The following PTPRT variants were observed in gnomAD, a reference collection of about 807,000 sequenced individuals.
The protein encoded by PTPRT is receptor-type tyrosine-protein phosphatase T.
Under a neutral mutation model 176.8 loss-of-function variants are expected in PTPRT, and 56 were observed. The ratio of observed to expected loss-of-function variants is 0.32; its 90% CI spans 0.26 to 0.40. The LOEUF is 0.40. Among genes scored for constraint, PTPRT ranks in the 10% least tolerant of loss-of-function variants. PTPRT has a pLI of 1.00. For missense variants in PTPRT, 1,540 were observed against 1,908.2 expected (o/e 0.81, Z 3.60); for synonymous variants, 783 against 739.0 (o/e 1.06, Z -0.96).
At chr20:43,054,435 T>A (rs910363970) in intron 1 of PTPRT, among the ~76,000 whole-genome samples, 1 of 151,998 alleles carries the variant, frequency 6.6e-6, no homozygotes, top group African/African-American at 2.4e-5. Context: ...CTGCATATAG[T>A]CCCAGGTACT....
chr20:42,767,007 G>A lies in PTPRT; in HGVS notation c.684+4428C>T, dbSNP rs571836955. On this transcript the variant is annotated intron_variant, in intron 5 of 30. Transcript: ENST00000373187. Reference sequence around the variant, plus strand: ...TTATTATATGAGGCAGAACAACAGCGAGAGTGCCAGCCACTCCTCTACTGC... The same window carrying A: ...TTATTATATGAGGCAGAACAACAGCAAGAGTGCCAGCCACTCCTCTACTGC... 2.6e-5 allele frequency among the ~76,000 whole-genome samples: 4 copies of A among 152,292 alleles called. No individual in the cohort carries two copies. The South Asian group carries it at 6.2e-4, about 24-fold the overall frequency.
At chr20:42,257,983 G>A (rs902561808) in intron 13 of PTPRT, among the ~76,000 whole-genome samples, 3 of 152,040 alleles carry the variant, frequency 2.0e-5, no homozygotes, top group Non-Finnish European at 4.4e-5. Flanking sequence ...TGGCAGTCTA[G>A]CACAGAGATT....
At chr20:42,808,461 A>C (rs2077645833) in intron 2 of PTPRT, among the ~76,000 whole-genome samples, 1 of 152,128 alleles carries the variant, frequency 6.6e-6, no homozygotes, top group African/African-American at 2.4e-5. Context: ...GTCCAGGACT[A>C]TGACAGCACA....
At chr20:42,174,627 T>C (rs1990212379) in intron 16 of PTPRT, among the ~76,000 whole-genome samples, 1 of 152,150 alleles carries the variant, frequency 6.6e-6, no homozygotes, top group African/African-American at 2.4e-5. Flanking sequence ...CCTTGAAAAT[T>C]CTAGAGTGTT....
At chr20:42,243,500 G>A (rs1403981221) in intron 14 of PTPRT, among the ~76,000 whole-genome samples, 1 of 152,192 alleles carries the variant, frequency 6.6e-6, no homozygotes, top group East Asian at 1.9e-4. Flanking sequence ...GTCCTACTAG[G>A]AAGAACAAGA....
chr20:42,050,851 C>A, the PTPRT span, among the ~76,000 whole-genome samples: 1 of 152,080 alleles, frequency 6.6e-6, no homozygotes, highest in Non-Finnish European at 1.5e-5. Flanking sequence ...TGAGAGGGAC[C>A]CACTGGCTAT....
At chr20:43,141,299 G>A (rs2013995067) in intron 1 of PTPRT, among the ~76,000 whole-genome samples, 2 of 152,190 alleles carry the variant, frequency 1.3e-5, no homozygotes, top group Admixed American at 1.3e-4. Flanking sequence ...CAGTCGGGCA[G>A]CTCTTCTGCT....
chr20:42,461,156 T>C (rs1265856709), intron 8 of PTPRT, among the ~76,000 whole-genome samples: 3 of 152,278 alleles, frequency 2.0e-5, no homozygotes, highest in East Asian at 3.9e-4. Context: ...GGAGAAACCC[T>C]GTCCCTACTA....
intron 9 of PTPRT, among the ~76,000 whole-genome samples, chr20:42,446,705 C>T (rs921410629): frequency 6.6e-6 from 1 of 151,160 alleles, no homozygotes; most frequent in African/African-American, 2.4e-5. Context: ...GTTAAATTTT[C>T]GAACCTCTCT....
chr20:42,454,007 C>G (rs1367332998), intron 8 of PTPRT, among the ~76,000 whole-genome samples: 1 of 151,934 alleles, frequency 6.6e-6, no homozygotes, highest in African/African-American at 2.4e-5. Flanking sequence ...CCTGAATTTA[C>G]TCTTAATCAT....
At chr20:42,832,138 G>C (rs2078100160) in intron 2 of PTPRT, among the ~76,000 whole-genome samples, 1 of 152,102 alleles carries the variant, frequency 6.6e-6, no homozygotes. Flanking sequence ...AAGTGCCCTA[G>C]ATTGGATGAA....
At chr20:42,224,626 C>T (rs1236378980) in intron 15 of PTPRT, among the ~76,000 whole-genome samples, 2 of 152,170 alleles carry the variant, frequency 1.3e-5, no homozygotes, top group African/African-American at 4.8e-5. Context: ...ATGGGTGGTT[C>T]TCAACTACGG....
chr20:42,051,240 G>GTC, the PTPRT span, among the ~76,000 whole-genome samples: 1 of 152,178 alleles, frequency 6.6e-6, no homozygotes, highest in Admixed American at 6.5e-5. Flanking sequence ...GTGTCAGTGT[G>GTC]TCAGTGGATT....
chr20:42,949,957 C>G (rs117950601), intron 1 of PTPRT, among the ~76,000 whole-genome samples: 2 of 152,282 alleles, frequency 1.3e-5, no homozygotes, highest in African/African-American at 4.8e-5. Flanking sequence ...ATGTATCCAA[C>G]GAACAAATGA....
At chr20:43,120,660 C>T (rs1002403510) in intron 1 of PTPRT, among the ~76,000 whole-genome samples, 12 of 152,128 alleles carry the variant, frequency 7.9e-5, no homozygotes, top group Admixed American at 2.6e-4. Context: ...TGTTGCTGCA[C>T]GTGTGTGTGT....
chr20:42,844,993 GTGCTT>G (rs1395419082), intron 2 of PTPRT, among the ~76,000 whole-genome samples: 1 of 152,180 alleles, frequency 6.6e-6, no homozygotes, highest in African/African-American at 2.4e-5. Context: ...GGAGTGGCTA[GTGCTT>G]TGCTTGACGG....
chr20:42,163,465 C>T (rs187228442), intron 16 of PTPRT, among the ~76,000 whole-genome samples: 1 of 152,334 alleles, frequency 6.6e-6, no homozygotes, highest in East Asian at 1.9e-4. Context: ...TGTTCACTGG[C>T]ATTGCTTAAA....
At chr20:43,065,948 G>C (rs2011108436) in intron 1 of PTPRT, among the ~76,000 whole-genome samples, 1 of 152,024 alleles carries the variant, frequency 6.6e-6, no homozygotes, top group African/African-American at 2.4e-5. Flanking sequence ...ACCAGGACTG[G>C]AACTCCTGTC....
chr20:42,440,516 T>C (rs1306206266), intron 9 of PTPRT, among the ~76,000 whole-genome samples: 3 of 151,718 alleles, frequency 2.0e-5, no homozygotes, highest in Admixed American at 6.6e-5. Flanking sequence ...CTCGCTCTGT[T>C]GCCCAGGCTG....
Sources: allele counts gnomAD v4.1 joint callset (sites outside exome capture counted in the v4.1 genomes callset), GRCh38; gene constraint gnomAD v4.1.1; transcripts MANE v1.5; gene names NCBI Gene and HGNC (gene_info 2026-07-23, HGNC 2026-07-21).